The following SLC8A3 variants were observed in gnomAD, a reference collection of about 807,000 sequenced individuals.
SLC8A3 encodes the protein solute carrier family 8 member A3.
A neutral mutation model predicts 65.4 loss-of-function variants in SLC8A3; 37 were observed. The ratio of observed to expected loss-of-function variants is 0.57; its 90% CI spans 0.44 to 0.74. The LOEUF (loss-of-function observed/expected upper bound fraction) is 0.74, where lower values mean the gene tolerates loss of function less well. Ranked by LOEUF, SLC8A3 falls within the 30% of genes least tolerant of loss-of-function variation. The pLI is 0.00. For missense variants in SLC8A3, 1,112 were observed against 1,172.1 expected (o/e 0.95, Z 0.75); for synonymous variants, 461 against 444.5 (o/e 1.04, Z -0.47).
intron 2 of SLC8A3, among the ~76,000 whole-genome samples, chr14:70,098,550 G>A (rs902024126): frequency 6.6e-6 from 1 of 152,160 alleles, no homozygotes; most frequent in Non-Finnish European, 1.5e-5. Flanking sequence ...GGTTAGATGG[G>A]GGCAGCGGGA....
At chr14:70,104,060 C>T (rs572596155) in intron 2 of SLC8A3, among the ~76,000 whole-genome samples, 14 of 151,962 alleles carry the variant, frequency 9.2e-5, no homozygotes, top group African/African-American at 1.4e-4. Flanking sequence ...TAAATAATAA[C>T]GGAACCAATT....
At chr14:70,130,053 C>G (rs1894718127) in intron 2 of SLC8A3, among the ~76,000 whole-genome samples, 2 of 152,212 alleles carry the variant, frequency 1.3e-5, no homozygotes, top group Non-Finnish European at 2.9e-5. Context: ...TTCTCACTCT[C>G]TTTCCCTCAA....
intron 2 of SLC8A3, among the ~76,000 whole-genome samples, chr14:70,109,310 T>C (rs562807234): frequency 2.0e-5 from 3 of 148,798 alleles, no homozygotes; most frequent in South Asian, 2.1e-4. Context: ...TGTATATATA[T>C]ACACATTATA....
At chr14:70,188,287 T>C (rs974720985) in intron 1 of SLC8A3, 92 bp downstream of exon 1, 1 of 152,340 alleles carries the variant, frequency 6.6e-6, no homozygotes, top group Non-Finnish European at 1.5e-5. Flanking sequence ...TCAGGGATCC[T>C]CTTAGGGGCA....
At chr14:70,109,727 A>T (rs529273287) in intron 2 of SLC8A3, among the ~76,000 whole-genome samples, 2 of 152,290 alleles carry the variant, frequency 1.3e-5, no homozygotes, top group East Asian at 1.9e-4. Context: ...AAGTGCTGAG[A>T]TTACAGGTTT....
intron 2 of SLC8A3, among the ~76,000 whole-genome samples, chr14:70,165,054 C>A (rs148464287): frequency 1.3e-5 from 2 of 152,114 alleles, no homozygotes; most frequent in African/African-American, 4.8e-5. Flanking sequence ...TTGGCAAGTG[C>A]GAATATGACC....
intron 2 of SLC8A3, among the ~76,000 whole-genome samples, chr14:70,071,607 A>G (rs573530599): frequency 6.6e-6 from 1 of 152,316 alleles, no homozygotes; most frequent in Admixed American, 6.5e-5. Flanking sequence ...TTGGAAGCGT[A>G]TATGTCCTCA....
At chr14:70,159,865 C>T (rs749823312) in intron 2 of SLC8A3, among the ~76,000 whole-genome samples, 6 of 152,274 alleles carry the variant, frequency 3.9e-5, no homozygotes, top group Non-Finnish European at 7.4e-5. Flanking sequence ...TCTCCAACCA[C>T]AGTGTGTCTT....
At chr14:70,128,025 C>T (rs987390600) in intron 2 of SLC8A3, among the ~76,000 whole-genome samples, 1 of 152,156 alleles carries the variant, frequency 6.6e-6, no homozygotes, top group African/African-American at 2.4e-5. Context: ...AGCAACATGT[C>T]CCAAATGGAA....
At chr14:70,187,573 C>T (rs1005332806) in intron 1 of SLC8A3, among the ~76,000 whole-genome samples, 109 of 150,296 alleles carry the variant, frequency 7.3e-4, no homozygotes, top group Non-Finnish European at 3.5e-4. Context: ...GGAGCAGCAG[C>T]GCTAGCCTCT....
intron 2 of SLC8A3, among the ~76,000 whole-genome samples, chr14:70,142,782 A>G (rs1170583144): frequency 6.6e-6 from 1 of 152,174 alleles, no homozygotes; most frequent in Non-Finnish European, 1.5e-5. Flanking sequence ...CTTCTTTCTT[A>G]TCAAGTCTAG....
chr14:70,154,834 C>A (rs1398481697), intron 2 of SLC8A3, among the ~76,000 whole-genome samples: 1 of 151,468 alleles, frequency 6.6e-6, no homozygotes, highest in Non-Finnish European at 1.5e-5. Flanking sequence ...TGTATGGATA[C>A]AGAGTGATAT....
chr14:70,105,123 A>G (rs954030037), intron 2 of SLC8A3, among the ~76,000 whole-genome samples: 1 of 152,112 alleles, frequency 6.6e-6, no homozygotes, highest in African/African-American at 2.4e-5. Context: ...AGGTCAGGAG[A>G]TCGAGACCAT....
At chr14:70,091,216 C>A (rs912093136) in intron 2 of SLC8A3, among the ~76,000 whole-genome samples, 2 of 152,188 alleles carry the variant, frequency 1.3e-5, no homozygotes, top group Non-Finnish European at 2.9e-5. Flanking sequence ...GTTTTCTACT[C>A]ATTTTATTAT....
chr14:70,050,568 A>G (rs1454409054), intron 5 of SLC8A3, among the ~76,000 whole-genome samples: 1 of 152,204 alleles, frequency 6.6e-6, no homozygotes, highest in East Asian at 1.9e-4. Flanking sequence ...TGGAGAGTCA[A>G]TGCAACACAT....
chr14:70,064,627 A>G (rs1889208745), intron 2 of SLC8A3, among the ~76,000 whole-genome samples: 1 of 152,116 alleles, frequency 6.6e-6, no homozygotes, highest in South Asian at 2.1e-4. Context: ...CTGAAAAGCT[A>G]CTGACACTAT....
Position 70,183,826 on chromosome 14 carries a change from C to A in SLC8A3, c.-63+4553G>T, listed in dbSNP as rs139582977. Among the ~76,000 whole-genome samples the A allele has an allele frequency of 7.2e-5, 11 of 152,266 alleles. No homozygotes were observed. The East Asian group carries it at 1.9e-3, about 27-fold the overall frequency. ...CCCTCCTGTGCAAATAATTCACAAT[C>A]TTCCTGTACCCAGCTATCACCAGAC... is the stretch of plus-strand genomic sequence containing the variant. On this transcript the variant is annotated intron_variant, in intron 1 of 6. Transcript: ENST00000356921.
chr14:70,155,863 G>A (rs1280225558), intron 2 of SLC8A3, among the ~76,000 whole-genome samples: 3 of 152,194 alleles, frequency 2.0e-5, no homozygotes, highest in African/African-American at 7.2e-5. Flanking sequence ...GCCCTTGGCT[G>A]TGTTCATTTC....
intron 2 of SLC8A3, among the ~76,000 whole-genome samples, chr14:70,123,268 T>C (rs61977444): frequency 0.12 from 18,226 of 151,456 alleles, 1,259 homozygotes; most frequent in Non-Finnish European, 0.16. Flanking sequence ...TTATAAATAC[T>C]CTCCATGGTT....
Sources: allele counts gnomAD v4.1 joint callset (sites outside exome capture counted in the v4.1 genomes callset), GRCh38; gene constraint gnomAD v4.1.1; transcripts MANE v1.5; gene names NCBI Gene and HGNC (gene_info 2026-07-23, HGNC 2026-07-21).